The following MEAK7 variants were observed in gnomAD, a reference collection of about 807,000 sequenced individuals.
The protein encoded by MEAK7 is MTOR associated protein MEAK7, also known as MTOR-associated protein MEAK7.
MEAK7 carries 68 observed loss-of-function variants against 40.5 expected under a neutral mutation model. The observed-to-expected ratio is 1.68, with a 90% confidence interval of 1.38 to 2.06. The LOEUF is 2.06. Ranked by LOEUF, MEAK7 falls within the 30% of genes most tolerant of loss-of-function variation. The probability of loss-of-function intolerance (pLI) is 0.00; values close to 1 mark genes in which losing one functional copy is unlikely to be tolerated. For synonymous variants in MEAK7, 338 were observed against 231.9 expected (o/e 1.46, Z -4.16); for missense variants, 918 against 580.5 (o/e 1.58, Z -5.98).
Position 84,498,102 on chromosome 16 carries a change from G to C in MEAK7, c.-16C>G, listed in dbSNP as rs756118317. On this transcript the variant is annotated 5_prime_UTR_variant, in exon 2 of 8. Coordinates refer to ENST00000343629, the MANE Select transcript of MEAK7 (RefSeq NM_020947.4). Reference sequence around the variant, plus strand: ...TGTTCCCCATCTGTCCTGATATCTGGCAGAATTCTCTGCAGAAGGAAAAGA... The same window carrying C: ...TGTTCCCCATCTGTCCTGATATCTGCCAGAATTCTCTGCAGAAGGAAAAGA... 7 of 1,566,746 alleles carry C rather than the reference G, an allele frequency of 4.5e-6. No individual in the cohort carries two copies. Among genetic ancestry groups the C allele is most frequent in the South Asian group, 1.2e-5 (1 of 84,276 alleles).
At chr16:84,481,400 G>A (rs762918443) in intron 6 of MEAK7, among the ~76,000 whole-genome samples, 9 of 152,180 alleles carry the variant, frequency 5.9e-5, no homozygotes, top group African/African-American at 1.9e-4. Flanking sequence ...GCTCTCTCAG[G>A]GCCAATGACG....
chr16:84,488,663 G>A (rs1913299960), intron 4 of MEAK7, among the ~76,000 whole-genome samples: 1 of 152,062 alleles, frequency 6.6e-6, no homozygotes, highest in Non-Finnish European at 1.5e-5. Context: ...CAGGCATGGA[G>A]AAATTAAATA....
At chr16:84,489,228 G>A (rs972398406) in intron 4 of MEAK7, 50 bp downstream of exon 4, 1 of 1,595,750 alleles carries the variant, frequency 6.3e-7, no homozygotes. Flanking sequence ...GAGACAGCAG[G>A]TACCGCTCTA....
In MEAK7 at chr16:84,480,040, G is replaced by A. The variant is rs949835673; in HGVS notation, c.1258-14C>T. 5.1e-6 allele frequency: 8 copies of A among 1,579,914 alleles called. No individual in the cohort carries two copies. Among genetic ancestry groups the A allele is most frequent in the African/African-American group, 1.4e-5 (1 of 73,996 alleles). The stretch of plus-strand genomic sequence containing the variant: ...GTTGCCCTTGGCCTTGAGAAGAGAA[G>A]AAAGGGTGGGTGTGTTCCATGATGG... On this transcript the variant is annotated splice_polypyrimidine_tract_variant and intron_variant, in intron 7 of 7. Transcript: ENST00000343629.
rs759509838 is a variant in MEAK7 at position 84,486,960 on chromosome 16, A to G, written c.629T>C (p.Leu210Pro). The G allele has an allele frequency of 1.9e-6, 3 of 1,614,164 alleles. No homozygotes were observed. The highest frequency in any genetic ancestry group is 2.5e-6 in the Non-Finnish European group (3 of 1,180,026). Residue 210 changes from leucine to proline, a missense_variant, in exon 5 of 8, where the codon CTG (leucine) becomes CCG (proline). Transcript: ENST00000343629. ...AAAGCCCTTGCAAATGACCACACTC[A>G]GGAATATGGCCACATGGGGGACCCT... ...VFRVPHVAIF[L>P]SVVICKGFLI...
intron 2 of MEAK7, chr16:84,497,317 G>T: frequency 1.1e-6 from 1 of 932,700 alleles, no homozygotes; most frequent in Non-Finnish European, 1.4e-6. Context: ...GGAAAAACAT[G>T]GGCAAATGGG....
At chr16:84,481,457 T>A (rs192356122) in intron 6 of MEAK7, among the ~76,000 whole-genome samples, 3 of 152,294 alleles carry the variant, frequency 2.0e-5, no homozygotes, top group Non-Finnish European at 2.9e-5. Context: ...GCTGGCACCC[T>A]CACTCCTGCC....
rs985984938 is a variant in MEAK7, at chr16:84,480,567, C to A, written c.1219G>T (p.Glu407Ter). 1.2e-6 allele frequency: 2 copies of A among 1,613,742 alleles called. No individual in the cohort carries two copies. The highest frequency in any genetic ancestry group is 1.7e-6 in the Non-Finnish European group (2 of 1,179,872). ...AQENFQFDKM[E>*]VWAVGDPSEE... ...GAGGGGTCTCCAACCGCCCACACCT[C>A]CATCTTATCAAACTGGAAGTTCTCC... The change falls in exon 7 of 8, where the codon GAG (glutamate) becomes TAG (stop). Residue 407 changes from glutamate (E) to a stop codon, truncating the protein, a stop_gained. Coordinates refer to ENST00000343629, the MANE Select transcript of MEAK7 (RefSeq NM_020947.4). LOFTEE classifies it low-confidence loss of function (END_TRUNC).
chr16:84,482,571 C>A (rs1912660375), intron 6 of MEAK7, 21 bp downstream of exon 6: 1 of 1,614,016 alleles, frequency 6.2e-7, no homozygotes, highest in African/African-American at 1.3e-5. Flanking sequence ...GGCAAGACCA[C>A]CACGCTCTGC....
chr16:84,501,167 G>T (rs1471550309), intron 1 of MEAK7, among the ~76,000 whole-genome samples: 2 of 151,612 alleles, frequency 1.3e-5, no homozygotes, highest in African/African-American at 2.4e-5. Flanking sequence ...GGTGTGGCCT[G>T]GGGGTGTAAC....
intron 1 of MEAK7, among the ~76,000 whole-genome samples, chr16:84,500,194 C>G (rs1424847781): frequency 6.6e-6 from 1 of 152,194 alleles, no homozygotes; most frequent in African/African-American, 2.4e-5. Context: ...GATGGACCAC[C>G]TTTTGCTTAT....
At chr16:84,500,127 T>A (rs1252443407) in intron 1 of MEAK7, 1 of 152,260 alleles carries the variant, frequency 6.6e-6, no homozygotes, top group Non-Finnish European at 1.5e-5. Context: ...CCACCTATGT[T>A]GTAGCGCGGG....
chr16:84,486,762 C>G lies in MEAK7; in HGVS notation c.827G>C (p.Gly276Ala), dbSNP rs1303758888. Residue 276 changes from glycine to alanine, a missense_variant, in exon 5 of 8, where the codon GGA becomes GCA. Transcript: ENST00000343629. ...WCLLFSSELHGHSFSQLCGHI... is the reference protein window; with the variant it reads ...WCLLFSSELHAHSFSQLCGHI... Reference sequence around the variant, plus strand: ...GCCACAGAGCTGGGAGAAGCTGTGTCCATGGAGCTCAGACGAAAAGAGCAG... The same window carrying G: ...GCCACAGAGCTGGGAGAAGCTGTGTGCATGGAGCTCAGACGAAAAGAGCAG... The G allele has an allele frequency of 3.7e-6, 6 of 1,614,034 alleles. No individual in the cohort carries two copies. In the African/African-American group the frequency reaches 4.0e-5, roughly 11 times the overall value.
At chr16:84,480,453 G>GT in intron 7 of MEAK7, 76 bp downstream of exon 7, 1 of 1,473,064 alleles carries the variant, frequency 6.8e-7, no homozygotes, top group South Asian at 1.3e-5. Flanking sequence ...AGAGTAAAGG[G>GT]GTAATGGTAA....
intron 1 of MEAK7, among the ~76,000 whole-genome samples, chr16:84,499,217 G>A (rs1914299386): frequency 6.6e-6 from 1 of 152,178 alleles, no homozygotes; most frequent in Non-Finnish European, 1.5e-5. Context: ...AAACAAAAAA[G>A]CATGGTTGGA....
intron 6 of MEAK7, among the ~76,000 whole-genome samples, 193 bp from the exon 7 acceptor site, chr16:84,480,901 T>G (rs1386536283): frequency 6.6e-6 from 1 of 152,208 alleles, no homozygotes; most frequent in Non-Finnish European, 1.5e-5. Context: ...CATGCCAAGT[T>G]ACTAGAACAG....
At chr16:84,493,187 G>T (rs1025281919) in intron 3 of MEAK7, among the ~76,000 whole-genome samples, 6 of 152,202 alleles carry the variant, frequency 3.9e-5, no homozygotes, top group Admixed American at 1.3e-4. Context: ...ATTATGTAAA[G>T]TTGTTGTATG....
intron 3 of MEAK7, among the ~76,000 whole-genome samples, chr16:84,494,418 T>A (rs113638645): frequency 3.3e-5 from 5 of 152,274 alleles, no homozygotes; most frequent in African/African-American, 1.2e-4. Flanking sequence ...TTTCAATCTT[T>A]CTCCTTCCTT....
At chr16:84,499,821 G>C (rs1304091620) in intron 1 of MEAK7, 1 of 152,168 alleles carries the variant, frequency 6.6e-6, no homozygotes, top group African/African-American at 2.4e-5. Context: ...AGAATCACTC[G>C]AGCCCAGGAG....
Sources: allele counts gnomAD v4.1 joint callset (sites outside exome capture counted in the v4.1 genomes callset), GRCh38; gene constraint gnomAD v4.1.1; transcripts MANE v1.5; gene names NCBI Gene and HGNC (gene_info 2026-07-23, HGNC 2026-07-21).